The following SOX5 variants were observed in gnomAD, a reference collection of about 807,000 sequenced individuals.
SOX5 encodes SRY-box transcription factor 5.
Under a neutral mutation model 92.0 loss-of-function variants are expected in SOX5, and 9 were observed. That is an observed-to-expected ratio of 0.10 (90% CI 0.06 to 0.17). The LOEUF is 0.17. Ranked by LOEUF, SOX5 falls within the 10% of genes least tolerant of loss-of-function variation. The probability of loss-of-function intolerance (pLI) is 1.00; values close to 1 mark genes in which losing one functional copy is unlikely to be tolerated. For synonymous variants in SOX5, 344 were observed against 336.3 expected (o/e 1.02, Z -0.25); for missense variants, 642 against 944.5 (o/e 0.68, Z 4.20).
intron 1 of SOX5, among the ~76,000 whole-genome samples, chr12:23,903,502 G>A (rs1049660936): frequency 6.6e-6 from 1 of 152,174 alleles, no homozygotes; most frequent in African/African-American, 2.4e-5. Context: ...AGGATTGCTT[G>A]AGCCCAGGAG....
intron 2 of SOX5, among the ~76,000 whole-genome samples, chr12:24,347,318 G>T (rs1953426075): frequency 6.6e-6 from 1 of 152,174 alleles, no homozygotes. Flanking sequence ...CAAGGACCTT[G>T]AGCATCCTTG....
chr12:24,375,363 A>C (rs1242195477), intron 1 of SOX5, among the ~76,000 whole-genome samples: 2 of 152,092 alleles, frequency 1.3e-5, no homozygotes, highest in Non-Finnish European at 2.9e-5. Context: ...AAAACTAATA[A>C]ACAAAGAGGA....
chr12:23,970,376 C>T, intron 4 of SOX5, among the ~76,000 whole-genome samples: 1 of 152,120 alleles, frequency 6.6e-6, no homozygotes, highest in South Asian at 2.1e-4. Flanking sequence ...TGTGCAACAA[C>T]TACCACTATC....
chr12:23,683,854 G>T (rs1033813075), intron 6 of SOX5, among the ~76,000 whole-genome samples: 1 of 151,752 alleles, frequency 6.6e-6, no homozygotes, highest in Admixed American at 6.6e-5. Context: ...ACATAATTTT[G>T]AGTAGAATGG....
intron 6 of SOX5, among the ~76,000 whole-genome samples, chr12:23,669,354 G>A (rs1235264838): frequency 1.3e-5 from 2 of 151,878 alleles, no homozygotes; most frequent in East Asian, 3.9e-4. Context: ...AGGAACAGGG[G>A]CAAGAAAAAA....
At chr12:23,792,986 C>T (rs570791309) in intron 3 of SOX5, among the ~76,000 whole-genome samples, 12 of 152,066 alleles carry the variant, frequency 7.9e-5, no homozygotes, top group South Asian at 4.1e-4. Flanking sequence ...TTAAGGTTTT[C>T]GAAATTTGGA....
chr12:24,467,083 G>C (rs551677078), intron 1 of SOX5, among the ~76,000 whole-genome samples: 58 of 152,228 alleles, frequency 3.8e-4, no homozygotes, highest in African/African-American at 1.3e-3. Context: ...TAAAGAGCTG[G>C]CCTTCACTCT....
intron 4 of SOX5, among the ~76,000 whole-genome samples, chr12:24,116,624 T>A (rs920457204): frequency 6.6e-4 from 100 of 152,260 alleles, no homozygotes; most frequent in African/African-American, 2.4e-3. Context: ...TGTAACCCTT[T>A]TTTTCCCTAA....
At chr12:23,857,923 G>C (rs6487362) in intron 2 of SOX5, among the ~76,000 whole-genome samples, 1 of 151,572 alleles carries the variant, frequency 6.6e-6, no homozygotes, top group Non-Finnish European at 1.5e-5. Context: ...TAGTAGAGAC[G>C]GGGTTTCGCC....
chr12:24,185,036 A>C (rs1359994769), intron 4 of SOX5, among the ~76,000 whole-genome samples: 1 of 152,094 alleles, frequency 6.6e-6, no homozygotes, highest in Non-Finnish European at 1.5e-5. Flanking sequence ...GATAATGAAT[A>C]AAGAAAGACA....
intron 3 of SOX5, among the ~76,000 whole-genome samples, chr12:24,220,384 C>T (rs1040395680): frequency 1.0e-4 from 15 of 149,872 alleles, no homozygotes; most frequent in South Asian, 4.3e-4. Context: ...CACATTCACA[C>T]GATATAAAAA....
intron 2 of SOX5, among the ~76,000 whole-genome samples, chr12:24,295,233 C>A (rs1383683606): frequency 6.6e-6 from 1 of 151,988 alleles, no homozygotes; most frequent in African/African-American, 2.4e-5. Context: ...ATTGACAGCA[C>A]ATTTTTTCCT....
At chr12:24,263,541 CA>C (rs528065569) in intron 3 of SOX5, among the ~76,000 whole-genome samples, 1 of 112,032 alleles carries the variant, frequency 8.9e-6, no homozygotes, top group African/African-American at 3.5e-5. Context: ...AAAAAAAAAA[CA>C]AAAAAAAAAA....
chr12:23,833,592 GTAAATA>G (rs2096366191), intron 3 of SOX5, among the ~76,000 whole-genome samples: 1 of 151,892 alleles, frequency 6.6e-6, no homozygotes, highest in South Asian at 2.1e-4. Flanking sequence ...AAAGATTAAT[GTAAATA>G]TAAAGTTTTC....
chr12:24,170,846 A>T (rs1284416155), intron 4 of SOX5, among the ~76,000 whole-genome samples: 1 of 152,212 alleles, frequency 6.6e-6, no homozygotes, highest in Admixed American at 6.5e-5. Flanking sequence ...TGGCCAAGCC[A>T]CTGCTGCACC....
chr12:23,845,002 T>A (rs1173455326), intron 3 of SOX5, among the ~76,000 whole-genome samples: 1 of 152,216 alleles, frequency 6.6e-6, no homozygotes, highest in Non-Finnish European at 1.5e-5. Context: ...GTCCCAGTTA[T>A]GCACTTGGTA....
chr12:24,321,374 A>G (rs1215106991), intron 2 of SOX5, among the ~76,000 whole-genome samples: 1 of 152,222 alleles, frequency 6.6e-6, no homozygotes, highest in East Asian at 1.9e-4. Flanking sequence ...TTTGCATCAA[A>G]TTTTTAAAAC....
intron 1 of SOX5, among the ~76,000 whole-genome samples, chr12:24,510,265 T>C (rs1375492625): frequency 6.6e-6 from 1 of 152,086 alleles, no homozygotes. Flanking sequence ...GAACATAGAC[T>C]GTAGATACAA....
At chr12:24,060,199 T>G (rs1939393000) in intron 4 of SOX5, among the ~76,000 whole-genome samples, 1 of 152,240 alleles carries the variant, frequency 6.6e-6, no homozygotes, top group African/African-American at 2.4e-5. Context: ...GCAGTCTATA[T>G]ATTTGTGTCA....
Sources: allele counts gnomAD v4.1 joint callset (sites outside exome capture counted in the v4.1 genomes callset), GRCh38; gene constraint gnomAD v4.1.1; transcripts MANE v1.5; gene names NCBI Gene and HGNC (gene_info 2026-07-23, HGNC 2026-07-21).